Variants in EPM2A observed in about 807,000 individuals in gnomAD.
EPM2A encodes EPM2A glucan phosphatase, laforin, also known as laforin.
Under a neutral mutation model 26.5 loss-of-function variants are expected in EPM2A, and 21 were observed. That is an observed-to-expected ratio of 0.79 (90% CI 0.56 to 1.14). The LOEUF (loss-of-function observed/expected upper bound fraction) is 1.14. EPM2A is among the 50% of genes most tolerant of loss of function. The pLI, the probability that EPM2A is intolerant of heterozygous loss-of-function variation, is 0.00. For missense variants in EPM2A, 458 were observed against 440.8 expected (o/e 1.04, Z -0.35); for synonymous variants, 217 against 177.6 (o/e 1.22, Z -1.76).
At chr6:145,399,539 GA>G (rs371462018) in intron 4 of EPM2A, among the ~76,000 whole-genome samples, 10 of 151,882 alleles carry the variant, frequency 6.6e-5, no homozygotes, top group African/African-American at 1.2e-4. Flanking sequence ...TATGCGAACA[GA>G]AAAAAAATCT....
intron 4 of EPM2A, among the ~76,000 whole-genome samples, chr6:145,447,524 G>A (rs1582762908): frequency 6.6e-6 from 1 of 151,758 alleles, no homozygotes; most frequent in African/African-American, 2.4e-5. Flanking sequence ...ACAGTTTTCA[G>A]TATTTTTCCC....
Position 145,456,644 on chromosome 6 carries a change from A to C in EPM2A, c.555+45878T>G, listed in dbSNP as rs545195537. Among the ~76,000 whole-genome samples, 146 of 152,350 alleles carry C rather than the reference A, an allele frequency of 9.6e-4. 1 individual carries two copies. Among genetic ancestry groups the C allele is most frequent in the African/African-American group, 3.3e-3 (137 of 41,586 alleles). ...ACAAACTTATTGGGGCTTACTATGT[A>C]CTAAACAGAGGAAAAAATTAAGAGG... On this transcript the variant is annotated intron_variant, in intron 4 of 4. Coordinates refer to the EPM2A transcript ENST00000638717.
At chr6:145,660,297 G>T (rs1274560950) in intron 2 of EPM2A, among the ~76,000 whole-genome samples, 1 of 152,084 alleles carries the variant, frequency 6.6e-6, no homozygotes, top group Non-Finnish European at 1.5e-5. Flanking sequence ...GGAAAGCAAA[G>T]TGAAGAATAC....
At chr6:145,443,984 CTT>C (rs1779099961) in intron 4 of EPM2A, among the ~76,000 whole-genome samples, 1 of 152,140 alleles carries the variant, frequency 6.6e-6, no homozygotes, top group Non-Finnish European at 1.5e-5. Context: ...AATTAAACCT[CTT>C]TATTTTCTTT....
chr6:145,665,934 T>A, intron 2 of EPM2A, among the ~76,000 whole-genome samples: 1 of 151,040 alleles, frequency 6.6e-6, no homozygotes, highest in African/African-American at 2.4e-5. Flanking sequence ...TCTCAATAGA[T>A]GCAGAAAAAG....
At chr6:145,438,376 G>A (rs1779016491) in intron 4 of EPM2A, among the ~76,000 whole-genome samples, 1 of 152,056 alleles carries the variant, frequency 6.6e-6, no homozygotes, top group Admixed American at 6.5e-5. Context: ...TCTGAGTCTG[G>A]GTCCATAGGT....
chr6:145,450,350 CAA>C (rs368618860), intron 4 of EPM2A, among the ~76,000 whole-genome samples: 63 of 62,484 alleles, frequency 1.0e-3, no homozygotes, highest in Admixed American at 5.5e-3. Context: ...GACTCCGTCT[CAA>C]AAAAAAAAAA....
intron 2 of EPM2A, among the ~76,000 whole-genome samples, chr6:145,597,569 G>A (rs1410504902): frequency 1.3e-5 from 2 of 151,748 alleles, no homozygotes; most frequent in Non-Finnish European, 2.9e-5. Flanking sequence ...TAATCAGTGG[G>A]CTTCTTGTTT....
At chr6:145,494,601 A>G (rs1582798103) in intron 4 of EPM2A, among the ~76,000 whole-genome samples, 1 of 152,044 alleles carries the variant, frequency 6.6e-6, no homozygotes, top group African/African-American at 2.4e-5. Flanking sequence ...AGATCTTTCT[A>G]TCTTTTTGAT....
At chr6:145,465,555 G>A (rs1371036598) in intron 4 of EPM2A, among the ~76,000 whole-genome samples, 2 of 150,994 alleles carry the variant, frequency 1.3e-5, no homozygotes, top group Non-Finnish European at 2.9e-5. Context: ...CTGCTTTTTA[G>A]AGTTTCCAGT....
chr6:145,480,480 A>G (rs1562352055), intron 4 of EPM2A, among the ~76,000 whole-genome samples: 1 of 152,100 alleles, frequency 6.6e-6, no homozygotes, highest in Non-Finnish European at 1.5e-5. Flanking sequence ...AACAAGCTGT[A>G]AGAGATCTTT....
intron 4 of EPM2A, among the ~76,000 whole-genome samples, chr6:145,457,065 A>G (rs1453299041): frequency 6.6e-6 from 1 of 152,232 alleles, no homozygotes; most frequent in Non-Finnish European, 1.5e-5. Flanking sequence ...AGTTTAACAT[A>G]TATTAGCTCG....
At chr6:145,495,138 TA>T (rs1251284431) in intron 4 of EPM2A, among the ~76,000 whole-genome samples, 8 of 152,192 alleles carry the variant, frequency 5.3e-5, no homozygotes, top group Admixed American at 5.2e-4. Context: ...TGGAGGCCTC[TA>T]AAAACTTGCT....
intron 4 of EPM2A, among the ~76,000 whole-genome samples, chr6:145,429,486 T>TA (rs1190943611): frequency 6.6e-6 from 1 of 152,078 alleles, no homozygotes; most frequent in East Asian, 1.9e-4. Context: ...CTGAAATAAT[T>TA]AAAAAACTTT....
At chr6:145,612,402 G>A (rs1775410525) in intron 2 of EPM2A, among the ~76,000 whole-genome samples, 1 of 152,114 alleles carries the variant, frequency 6.6e-6, no homozygotes, top group Non-Finnish European at 1.5e-5. Flanking sequence ...CTGGTGGGAA[G>A]AAGAAAATAA....
intron 2 of EPM2A, among the ~76,000 whole-genome samples, chr6:145,539,038 T>C (rs1039149563): frequency 3.3e-5 from 5 of 152,210 alleles, no homozygotes; most frequent in Non-Finnish European, 5.9e-5. Context: ...GCCCTTTCCA[T>C]ATTAGCTAGC....
chr6:145,710,738 T>C (rs956310956), intron 1 of EPM2A, among the ~76,000 whole-genome samples: 1 of 151,838 alleles, frequency 6.6e-6, no homozygotes. Context: ...CCAACAATGG[T>C]AGACTGGATT....
intron 2 of EPM2A, among the ~76,000 whole-genome samples, chr6:145,655,747 A>C (rs561297137): frequency 1.3e-5 from 2 of 152,280 alleles, no homozygotes; most frequent in East Asian, 3.9e-4. Flanking sequence ...AAATGGTCCC[A>C]AAAAAGCTAA....
intron 2 of EPM2A, among the ~76,000 whole-genome samples, chr6:145,573,945 G>A (rs1391071455): frequency 2.0e-5 from 3 of 152,164 alleles, no homozygotes; most frequent in African/African-American, 7.2e-5. Flanking sequence ...CAGAGCCAGT[G>A]TCCAGTAGTC....
Sources: allele counts gnomAD v4.1 joint callset (sites outside exome capture counted in the v4.1 genomes callset), GRCh38; gene constraint gnomAD v4.1.1; transcripts MANE v1.5; gene names NCBI Gene and HGNC (gene_info 2026-07-23, HGNC 2026-07-21).